Variants in STOML3 observed in about 807,000 individuals in gnomAD.
The protein encoded by STOML3 is stomatin-like protein 3.
In STOML3, 31 loss-of-function variants were observed where a neutral mutation model predicts 29.5. That is an observed-to-expected ratio of 1.05 (90% CI 0.79 to 1.42). The LOEUF (loss-of-function observed/expected upper bound fraction) is 1.42, where lower values mean the gene tolerates loss of function less well. STOML3 is among the 40% of genes most tolerant of loss of function. The pLI is 0.00. For missense variants in STOML3, 380 were observed against 363.0 expected, an observed-to-expected ratio of 1.05 and a Z score of -0.38; for synonymous variants, 122 against 139.8, an observed-to-expected ratio of 0.87 and a Z score of 0.90.
At chr13:38,983,898 A>G (rs1232751732) in intron 1 of STOML3, among the ~76,000 whole-genome samples, 1 of 152,218 alleles carries the variant, frequency 6.6e-6, no homozygotes, top group African/African-American at 2.4e-5. Flanking sequence ...GAAAGTGAAC[A>G]TTCAAAAAGG....
At chr13:38,990,595 C>A (rs777476271) in intron 1 of STOML3, 75 bp downstream of exon 1, 60 of 1,476,820 alleles carry the variant, frequency 4.1e-5, no homozygotes, top group Admixed American at 1.0e-4. Flanking sequence ...TTACTCTATA[C>A]CTGTCTATAA....
chr13:38,975,176 C>T (rs139027101), intron 3 of STOML3, among the ~76,000 whole-genome samples: 2 of 151,824 alleles, frequency 1.3e-5, no homozygotes, highest in Non-Finnish European at 2.9e-5. Context: ...CAAAAATTAG[C>T]CGCTTATGAT....
intron 1 of STOML3, among the ~76,000 whole-genome samples, chr13:38,984,348 C>T (rs78591633): frequency 0.092 from 13,944 of 152,164 alleles, 772 homozygotes; most frequent in African/African-American, 0.13. Context: ...CAGGCCTCAG[C>T]TCAAACATCC....
chr13:38,967,956 T>C (rs1269404113), intron 6 of STOML3, among the ~76,000 whole-genome samples: 2 of 152,116 alleles, frequency 1.3e-5, no homozygotes, highest in Non-Finnish European at 2.9e-5. Context: ...ACGTTTAATA[T>C]ACAAGAACAA....
chr13:38,990,469 A>G (rs1462178708), intron 1 of STOML3, among the ~76,000 whole-genome samples: 4 of 152,178 alleles, frequency 2.6e-5, no homozygotes, highest in African/African-American at 9.7e-5. Context: ...TGAAGGAAAA[A>G]TAAAGCAAGT....
At chr13:38,984,027 C>G (rs11840611) in intron 1 of STOML3, among the ~76,000 whole-genome samples, 5 of 151,968 alleles carry the variant, frequency 3.3e-5, no homozygotes, top group East Asian at 1.9e-4. Flanking sequence ...CATCCCCCCC[C>G]ACAGCAGCTT....
At chr13:38,969,673 C>A (rs1414968200) in intron 5 of STOML3, among the ~76,000 whole-genome samples, 1 of 151,996 alleles carries the variant, frequency 6.6e-6, no homozygotes, top group African/African-American at 2.4e-5. Context: ...GAGATGAGAT[C>A]GATAGCTGTT....
At chr13:38,984,539 T>C (rs1372902010) in intron 1 of STOML3, among the ~76,000 whole-genome samples, 1 of 152,192 alleles carries the variant, frequency 6.6e-6, no homozygotes, top group African/African-American at 2.4e-5. Context: ...TGTTTAGATA[T>C]ACAAATACTT....
At chr13:38,968,290 C>T in intron 6 of STOML3, 110 bp downstream of exon 6, 1 of 1,447,922 alleles carries the variant, frequency 6.9e-7, no homozygotes, top group Non-Finnish European at 9.3e-7. Context: ...GAAAAGAAAC[C>T]CCTTTCTCAT....
intron 3 of STOML3, among the ~76,000 whole-genome samples, chr13:38,973,726 A>G (rs1250980115): frequency 6.6e-6 from 1 of 152,210 alleles, no homozygotes; most frequent in Admixed American, 6.5e-5. Context: ...AGATATACAG[A>G]CTAAAGTGTT....
chr13:38,986,491 G>A (rs1868561154), intron 1 of STOML3, among the ~76,000 whole-genome samples: 1 of 152,080 alleles, frequency 6.6e-6, no homozygotes, highest in South Asian at 2.1e-4. Context: ...CTGAGCTTGG[G>A]GATGAGTGTT....
At chr13:38,973,105 A>C (rs868733352) in intron 3 of STOML3, among the ~76,000 whole-genome samples, 2,429 of 136,366 alleles carry the variant, frequency 0.018, 169 homozygotes, top group African/African-American at 0.06. Context: ...CTAAAAAAAA[A>C]AAAAAAAAAA....
At chr13:38,971,751 C>T (rs1407272384) in intron 4 of STOML3, among the ~76,000 whole-genome samples, 1 of 152,018 alleles carries the variant, frequency 6.6e-6, no homozygotes, top group Non-Finnish European at 1.5e-5. Flanking sequence ...ATGGTGAAAC[C>T]CTGTCTCCAC....
At chr13:38,976,407 A>G in intron 3 of STOML3, 133 bp downstream of exon 3, 1 of 949,712 alleles carries the variant, frequency 1.1e-6, no homozygotes, top group Non-Finnish European at 1.6e-6. Context: ...TGTTGTACCA[A>G]AAGGCAAGAG....
chr13:38,984,914 T>C (rs539617460), intron 1 of STOML3, among the ~76,000 whole-genome samples: 1 of 152,268 alleles, frequency 6.6e-6, no homozygotes, highest in African/African-American at 2.4e-5. Context: ...ATGGATGCAG[T>C]GCATACTTTT....
At chr13:38,972,414 C>T (rs1880905592) in intron 4 of STOML3, 98 bp downstream of exon 4, 2 of 1,223,920 alleles carry the variant, frequency 1.6e-6, no homozygotes, top group Non-Finnish European at 2.3e-6. Flanking sequence ...CTCATCTTCC[C>T]TCCTATAGTT....
intron 1 of STOML3, among the ~76,000 whole-genome samples, chr13:38,982,006 G>A (rs920145691): frequency 6.6e-6 from 1 of 152,076 alleles, no homozygotes; most frequent in Non-Finnish European, 1.5e-5. Flanking sequence ...TATGAAGTTT[G>A]CCCAAATCCA....
At chr13:38,988,790 A>G (rs893161829) in intron 1 of STOML3, among the ~76,000 whole-genome samples, 53 of 143,196 alleles carry the variant, frequency 3.7e-4, no homozygotes, top group African/African-American at 1.2e-3. Flanking sequence ...AGTACATATT[A>G]CAAGTTATAT....
chr13:38,978,427 T>C (rs1204776980), intron 1 of STOML3, among the ~76,000 whole-genome samples: 4 of 152,340 alleles, frequency 2.6e-5, no homozygotes, highest in African/African-American at 9.6e-5. Context: ...GTGCTGGGAT[T>C]ACAGGCATGA....
Sources: allele counts gnomAD v4.1 joint callset (sites outside exome capture counted in the v4.1 genomes callset), GRCh38; gene constraint gnomAD v4.1.1; transcripts MANE v1.5; gene names NCBI Gene and HGNC (gene_info 2026-07-23, HGNC 2026-07-21).